The following MS4A13 variants were observed in gnomAD, a reference collection of about 807,000 sequenced individuals.
MS4A13 encodes membrane-spanning 4-domains subfamily A member 13.
In MS4A13, 21 loss-of-function variants were observed where a neutral mutation model predicts 18.4. The ratio of observed to expected loss-of-function variants is 1.14; its 90% CI spans 0.81 to 1.64. MS4A13 has a LOEUF of 1.64. Among genes scored for constraint, MS4A13 ranks in the 40% most tolerant of loss-of-function variants. MS4A13 has a pLI of 0.00. For missense variants in MS4A13, 173 were observed against 176.8 expected, an observed-to-expected ratio of 0.98 and a Z score of 0.12; for synonymous variants, 62 against 57.2, an observed-to-expected ratio of 1.08 and a Z score of -0.38.
In MS4A13 at chr11:60,542,522, C is replaced by T. The variant is rs537359668; in HGVS notation, c.406C>T (p.Arg136Ter). ...HSIYSCSNLF[R>*]RQNDLTSVTE... ...TAAGAGGTTACTTTTTTTCCAGTTT[C>T]GAAGACAAAATGATCTTACATCTGT... is the stretch of plus-strand genomic sequence containing the variant. Residue 136 changes from arginine to a stop codon, truncating the protein, a stop_gained, in exon 7 of 7, where the codon CGA becomes TGA. Coordinates refer to ENST00000378186, the MANE Select transcript of MS4A13 (RefSeq NM_001012417.3). LOFTEE classifies it low-confidence loss of function (END_TRUNC). The T allele has an allele frequency of 2.6e-5, 41 of 1,606,106 alleles. No homozygotes were observed. Among genetic ancestry groups the T allele is most frequent in the East Asian group, 1.3e-4 (6 of 44,712 alleles).
intron 2 of MS4A13, among the ~76,000 whole-genome samples, chr11:60,516,541 T>G (rs1215757178): frequency 6.6e-6 from 1 of 152,222 alleles, no homozygotes; most frequent in Admixed American, 6.5e-5. Context: ...AGATCAATTA[T>G]CTAAGTCGCC....
At chr11:60,541,115 A>G (rs2086854559) in intron 6 of MS4A13, among the ~76,000 whole-genome samples, 1 of 152,250 alleles carries the variant, frequency 6.6e-6, no homozygotes, top group African/African-American at 2.4e-5. Context: ...AACTATTGAC[A>G]ATGCCAACTG....
chr11:60,519,109 T>C (rs1009849815), intron 3 of MS4A13, among the ~76,000 whole-genome samples: 1 of 152,214 alleles, frequency 6.6e-6, no homozygotes, highest in African/African-American at 2.4e-5. Context: ...TGGATTTTGA[T>C]GCACAAATAG....
chr11:60,523,782 A>G (rs1194795223), intron 3 of MS4A13, 115 bp from the exon 4 acceptor site: 2 of 656,082 alleles, frequency 3.0e-6, no homozygotes, highest in Non-Finnish European at 5.3e-6. Flanking sequence ...ACTTCTGTAT[A>G]TTTTGTTACT....
rs138544018 is a variant in MS4A13, at chr11:60,518,154, C to A, written c.71C>A (p.Ala24Asp). Reference sequence around the variant, plus strand: ...TTGTATATGGGACAAATTAAAGGAGCCTTTGGAACGTATGAACCTGTAACT... The same window carrying A: ...TTGTATATGGGACAAATTAAAGGAGACTTTGGAACGTATGAACCTGTAACT... The part of the protein sequence containing the change: ...LVLYMGQIKG[A>D]FGTYEPVTYK... Residue 24 changes from alanine to aspartate, a missense_variant, in exon 3 of 7, where the codon GCC becomes GAC. Coordinates refer to ENST00000378186, the MANE Select transcript of MS4A13 (RefSeq NM_001012417.3). The A allele has an allele frequency of 1.6e-5, 26 of 1,611,542 alleles. No homozygotes were observed. The highest frequency in any genetic ancestry group is 1.6e-4 in the Middle Eastern group (1 of 6,072).
intron 3 of MS4A13, among the ~76,000 whole-genome samples, chr11:60,520,338 C>T (rs1774251852): frequency 6.6e-6 from 1 of 152,168 alleles, no homozygotes; most frequent in Non-Finnish European, 1.5e-5. Flanking sequence ...AGTCTTAACT[C>T]ATTTCAGCAT....
intron 3 of MS4A13, among the ~76,000 whole-genome samples, chr11:60,521,034 C>T (rs914621090): frequency 1.3e-5 from 2 of 152,248 alleles, no homozygotes; most frequent in Non-Finnish European, 2.9e-5. Context: ...AGGCTTGGGG[C>T]TCGCACCCTC....
Position 60,539,065 on chromosome 11 carries a change from C to T in MS4A13, c.403-3454C>T, listed in dbSNP as rs1473775517. 5.8e-5 allele frequency among the ~76,000 whole-genome samples: 8 copies of T among 138,616 alleles called. No individual in the cohort carries two copies. In the Admixed American group the frequency reaches 6.1e-4, roughly 11 times the overall value. The allele number at this position is 138,616 out of a possible 152,430, so 90.9% of individuals were successfully genotyped here. ...GAAGGGGATTCTTCTCCTGGCCCTC[C>T]AGATAATAGCCCAGGACAGCCAACA... On this transcript the variant is annotated intron_variant, in intron 6 of 6. Transcript: ENST00000378186.
At chr11:60,517,020 A>AT (rs1457741894) in intron 2 of MS4A13, among the ~76,000 whole-genome samples, 12 of 151,350 alleles carry the variant, frequency 7.9e-5, no homozygotes, top group South Asian at 2.1e-4. Context: ...AAAAAAAAAA[A>AT]CTCCAGGCCC....
intron 5 of MS4A13, 93 bp downstream of exon 5, chr11:60,525,419 G>A (rs377414475): frequency 3.4e-4 from 272 of 803,734 alleles, no homozygotes; most frequent in Admixed American, 6.2e-4. Flanking sequence ...GCTTTTATTC[G>A]TCCTCATGAA....
At position 60,542,497 on chromosome 11, in the gene MS4A13, T is replaced by C. The variant is rs889169061; in HGVS notation, c.403-22T>C. The C allele has an allele frequency of 1.9e-6, 3 of 1,568,636 alleles. No homozygotes were observed. The Admixed American group carries it at 5.1e-5, about 27-fold the overall frequency. On this transcript the variant is annotated intron_variant, in intron 6 of 6. Transcript: ENST00000378186. ...ATATTAAGAAACATGATATGATTTG[T>C]AAGAGGTTACTTTTTTTCCAGTTTC...
At chr11:60,529,949 A>G (rs181071479) in intron 6 of MS4A13, among the ~76,000 whole-genome samples, 49 of 152,334 alleles carry the variant, frequency 3.2e-4, no homozygotes, top group Non-Finnish European at 6.3e-4. Flanking sequence ...TCTAAATTAT[A>G]AACAATGATG....
intron 6 of MS4A13, among the ~76,000 whole-genome samples, chr11:60,539,876 A>G (rs2086842558): frequency 6.6e-6 from 1 of 152,204 alleles, no homozygotes; most frequent in African/African-American, 2.4e-5. Flanking sequence ...CTCAAAAATG[A>G]AGGTGAAATA....
At chr11:60,527,585 C>A (rs775633398) in intron 5 of MS4A13, among the ~76,000 whole-genome samples, 2 of 152,048 alleles carry the variant, frequency 1.3e-5, no homozygotes, top group Non-Finnish European at 2.9e-5. Flanking sequence ...CCTGTAATCC[C>A]AGCACTTTGG....
chr11:60,531,924 C>G (rs889675439), intron 6 of MS4A13, among the ~76,000 whole-genome samples: 1 of 152,096 alleles, frequency 6.6e-6, no homozygotes. Flanking sequence ...TCCAGTATTC[C>G]AAGATACTAA....
intron 6 of MS4A13, among the ~76,000 whole-genome samples, chr11:60,535,234 A>G (rs2086798984): frequency 2.2e-5 from 1 of 45,426 alleles, no homozygotes; most frequent in African/African-American, 9.6e-5. Context: ...TGAATCCAGG[A>G]GCTGGTTTTT....
chr11:60,531,806 T>A lies in MS4A13; in HGVS notation c.402+2346T>A, dbSNP rs372505982. Among the ~76,000 whole-genome samples the A allele has an allele frequency of 2.9e-4, 44 of 152,314 alleles. No homozygotes were observed. The South Asian group carries it at 8.5e-3, about 29-fold the overall frequency. Reference sequence around the variant, plus strand: ...TCCTAGTCTCTTCTAAGCTCACCAGTCATATTAGATTAGGGCTCATTCTAA... The same window carrying A: ...TCCTAGTCTCTTCTAAGCTCACCAGACATATTAGATTAGGGCTCATTCTAA... On this transcript the variant is annotated intron_variant, in intron 6 of 6. Transcript: ENST00000378186.
chr11:60,516,696 G>C (rs2086639885), intron 2 of MS4A13, among the ~76,000 whole-genome samples: 1 of 151,994 alleles, frequency 6.6e-6, no homozygotes, highest in Admixed American at 6.6e-5. Flanking sequence ...GGGGGTAGGC[G>C]GGTCTGACCT....
At position 60,529,357 on chromosome 11, in the gene MS4A13, G is replaced by A. The variant is rs1335142596; in HGVS notation, c.307-8G>A. ...GCATTAAGATTTCTCCCTGTTTTTT[G>A]GTTATAGAAACTTGGGAGGGAAGTA... is the stretch of plus-strand genomic sequence containing the variant. On this transcript the variant is annotated splice_polypyrimidine_tract_variant and splice_region_variant and intron_variant, in intron 5 of 6. Transcript: ENST00000378186. 2.1e-6 allele frequency: 3 copies of A among 1,417,912 alleles called. No individual in the cohort carries two copies. The highest frequency in any genetic ancestry group is 4.2e-5 in the Admixed American group (2 of 47,506). The allele number at this position is 1,417,912 out of a possible 1,614,324, so 87.8% of individuals were successfully genotyped here.
Sources: gnomAD v4.1 joint callset for allele counts (sites outside exome capture counted in the v4.1 genomes callset) on GRCh38, gnomAD v4.1.1 for gene constraint, MANE v1.5 for transcripts, NCBI Gene and HGNC (gene_info 2026-07-23, HGNC 2026-07-21) for gene names.